FBXO15: variants seen among roughly 807,000 people sequenced by gnomAD.
FBXO15 encodes F-box protein 15, also known as F-box only protein 15.
In FBXO15, 30 loss-of-function variants were observed where a neutral mutation model predicts 49.5. That is an observed-to-expected ratio of 0.61 (90% CI 0.45 to 0.82). FBXO15 has a LOEUF of 0.82. Ranked by LOEUF, FBXO15 falls within the 40% of genes least tolerant of loss-of-function variation. The probability of loss-of-function intolerance (pLI) is 0.00; values close to 1 mark genes in which losing one functional copy is unlikely to be tolerated. For synonymous variants in FBXO15, 250 were observed against 232.7 expected (o/e 1.07, Z -0.68); for missense variants, 591 against 631.5 (o/e 0.94, Z 0.69).
rs553596394 is a variant in FBXO15, at chr18:74,123,189, G to A, written c.1138+179C>T. ...TGAAGGAGACAGAGCCAGTTCTGAA[G>A]AGACTCGGTCCAGTGAGGACTTTCA... On this transcript the variant is annotated intron_variant, in intron 8 of 9. Transcript: ENST00000419743. 7.2e-5 allele frequency: 43 copies of A among 599,364 alleles called. No homozygotes were observed. The African/African-American group carries it at 8.0e-4, about 11-fold the overall frequency. The allele number at this position is 599,364 out of a possible 1,614,324, so 37.1% of individuals were successfully genotyped here.
At position 74,084,905 on chromosome 18, in the gene FBXO15, G is replaced by A. The variant is rs376690900; in HGVS notation, c.1139-2854C>T. 8.5e-5 allele frequency among the ~76,000 whole-genome samples: 13 copies of A among 152,174 alleles called. No individual in the cohort carries two copies. The East Asian group carries it at 2.3e-3, about 27-fold the overall frequency. Reference sequence around the variant, plus strand: ...ATAATATTAACATTATGCAGTAGTTGATTATGTATGCCAAGCTAAGTGTGT... The same window carrying A: ...ATAATATTAACATTATGCAGTAGTTAATTATGTATGCCAAGCTAAGTGTGT... On this transcript the variant is annotated intron_variant, in intron 8 of 9. Transcript: ENST00000419743.
intron 5 of FBXO15, among the ~76,000 whole-genome samples, chr18:74,128,736 A>C (rs1221860022): frequency 1.3e-5 from 2 of 152,256 alleles, no homozygotes; most frequent in African/African-American, 4.8e-5. Flanking sequence ...GAAAGGCAGA[A>C]TGCCAGCCTC....
At chr18:74,078,238 A>C (rs1002831795) in intron 9 of FBXO15, among the ~76,000 whole-genome samples, 2 of 152,052 alleles carry the variant, frequency 1.3e-5, no homozygotes, top group African/African-American at 4.8e-5. Context: ...TCCTAACCTA[A>C]AACATGGCCT....
rs892063781 is a variant in FBXO15 at position 74,089,571 on chromosome 18, T to C, written c.1139-7520A>G. ...ATATTGGTTTTGAAATAGATGGCTG[T>C]TATTATTTTGAAGTATGTTCCTTCA... On this transcript the variant is annotated intron_variant, in intron 8 of 9. Coordinates refer to ENST00000419743, the MANE Select transcript of FBXO15 (RefSeq NM_001142958.2). Among the ~76,000 whole-genome samples the C allele has an allele frequency of 2.6e-5, 4 of 152,198 alleles. No individual in the cohort carries two copies. In the East Asian group the frequency reaches 5.8e-4, roughly 22 times the overall value.
At chr18:74,110,222 T>C (rs1913963140) in intron 8 of FBXO15, among the ~76,000 whole-genome samples, 1 of 148,920 alleles carries the variant, frequency 6.7e-6, no homozygotes. Context: ...TGTTTATGTA[T>C]AAGTGAAATG....
chr18:74,103,168 T>C (rs190984042), intron 8 of FBXO15, among the ~76,000 whole-genome samples: 24 of 151,832 alleles, frequency 1.6e-4, no homozygotes, highest in Admixed American at 1.5e-3. Flanking sequence ...AGCAAACAGA[T>C]TGAAATAATT....
chr18:74,089,236 G>A (rs985538918), intron 8 of FBXO15, among the ~76,000 whole-genome samples: 3 of 152,156 alleles, frequency 2.0e-5, no homozygotes, highest in East Asian at 3.8e-4. Context: ...TTGGCTGTCA[G>A]CATGGATGTT....
At chr18:74,111,523 G>T (rs1914032738) in intron 8 of FBXO15, among the ~76,000 whole-genome samples, 1 of 151,966 alleles carries the variant, frequency 6.6e-6, no homozygotes, top group Non-Finnish European at 1.5e-5. Context: ...TTTGTGGGAG[G>T]CAGTAAAAGC....
chr18:74,124,716 T>C lies in FBXO15; in HGVS notation c.913-145A>G, dbSNP rs1599173770. 8 of 668,134 alleles carry C rather than the reference T, an allele frequency of 1.2e-5. No individual in the cohort carries two copies. In the East Asian group the frequency reaches 2.1e-4, roughly 18 times the overall value. The allele number at this position is 668,134 out of a possible 1,614,324, so 41.4% of individuals were successfully genotyped here. A position where few individuals can be genotyped will look rare whatever the true frequency, so the allele number is the denominator to read the frequency against. ...AGATCACCACAGTGCTAATGCATTATTACTGCTAATATGTTACTACTATCT... is the reference window on the plus strand; with the variant it reads ...AGATCACCACAGTGCTAATGCATTACTACTGCTAATATGTTACTACTATCT... On this transcript the variant is annotated intron_variant, in intron 6 of 9. Coordinates refer to ENST00000419743, the MANE Select transcript of FBXO15 (RefSeq NM_001142958.2).
chr18:74,082,651 C>T (rs917646034), intron 8 of FBXO15, among the ~76,000 whole-genome samples: 1 of 152,184 alleles, frequency 6.6e-6, no homozygotes, highest in Non-Finnish European at 1.5e-5. Flanking sequence ...CGCACCCACA[C>T]AGCACACTAG....
At chr18:74,090,622 T>A (rs1159005082) in intron 8 of FBXO15, among the ~76,000 whole-genome samples, 2 of 152,232 alleles carry the variant, frequency 1.3e-5, no homozygotes, top group Non-Finnish European at 2.9e-5. Context: ...CTCATTAGTT[T>A]CAAATAATTT....
chr18:74,087,725 T>C (rs999258817), intron 8 of FBXO15, among the ~76,000 whole-genome samples: 15 of 152,350 alleles, frequency 9.8e-5, no homozygotes, highest in East Asian at 9.6e-4. Flanking sequence ...TTTGGGAACA[T>C]ACCCAATAAT....
chr18:74,099,469 C>T (rs967016537), intron 8 of FBXO15: 1 of 152,082 alleles, frequency 6.6e-6, no homozygotes, highest in East Asian at 1.9e-4. Flanking sequence ...AAAACAAAAC[C>T]TCTAAAAGCA....
In FBXO15 at chr18:74,074,573, TG is replaced by T. The variant is rs377132752; in HGVS notation, c.1264-844del. ...TAACTGCCACCCTTCGTCTTCCAGC[TG>T]ACTCACTGGATGACTTCCACTACAA... is the stretch of plus-strand genomic sequence containing the variant. On this transcript the variant is annotated intron_variant, in intron 9 of 9. Transcript: ENST00000419743. The surrounding 1 kb of genome is among the most constrained non-coding windows in gnomAD (Gnocchi z 4.7). Among the ~76,000 whole-genome samples the T allele has an allele frequency of 1.4e-4, 22 of 152,364 alleles. 1 individual carries two copies. The highest frequency in any genetic ancestry group is 5.0e-4 in the African/African-American group (21 of 41,592).
At chr18:74,139,705 A>G (rs1224004723) in intron 2 of FBXO15, among the ~76,000 whole-genome samples, 2 of 152,230 alleles carry the variant, frequency 1.3e-5, no homozygotes, top group African/African-American at 4.8e-5. Flanking sequence ...TCGGTGTTCC[A>G]TAAATGTTAC....
intron 3 of FBXO15, among the ~76,000 whole-genome samples, chr18:74,132,047 G>T (rs1002295892): frequency 1.4e-5 from 2 of 146,486 alleles, no homozygotes; most frequent in Non-Finnish European, 3.0e-5. Context: ...TCTCTTCCTA[G>T]TGTGGGTTTC....
intron 2 of FBXO15, among the ~76,000 whole-genome samples, chr18:74,139,165 G>C (rs959054052): frequency 6.6e-6 from 1 of 151,994 alleles, no homozygotes; most frequent in African/African-American, 2.4e-5. Flanking sequence ...TCCTCACCAC[G>C]CCACCCCATT....
In FBXO15 at chr18:74,147,796, A is replaced by C. The variant is rs924337404; in HGVS notation, c.-11T>G. ...GCGTCCAGTCGCCATAGAGACAAGG[A>C]GTTCACCACAGGACCGCGCCAGGGC... is the stretch of plus-strand genomic sequence containing the variant. On this transcript the variant is annotated 5_prime_UTR_variant, in exon 1 of 10. Transcript: ENST00000419743. 2 of 1,523,536 alleles carry C rather than the reference A, an allele frequency of 1.3e-6. No individual in the cohort carries two copies. The highest frequency in any genetic ancestry group is 1.4e-5 in the African/African-American group (1 of 71,110). The allele number at this position is 1,523,536 out of a possible 1,614,324, so 94.4% of individuals were successfully genotyped here. A position where few individuals can be genotyped will look rare whatever the true frequency, so the allele number is the denominator to read the frequency against.
chr18:74,142,506 C>G (rs1435381865), intron 1 of FBXO15, among the ~76,000 whole-genome samples: 1 of 152,130 alleles, frequency 6.6e-6, no homozygotes, highest in African/African-American at 2.4e-5. Flanking sequence ...TCAACAGGGC[C>G]GTGCTCCCTC....
Sources: gnomAD v4.1 joint callset for allele counts (sites outside exome capture counted in the v4.1 genomes callset) on GRCh38, gnomAD v4.1.1 for gene constraint, Gnocchi (gnomAD v3.1) non-coding constraint, MANE v1.5 for transcripts, NCBI Gene and HGNC (gene_info 2026-07-23, HGNC 2026-07-21) for gene names.